The following SRM variants were observed in gnomAD, a reference collection of about 807,000 sequenced individuals.
SRM encodes putrescine aminopropyltransferase.
In SRM, 14 loss-of-function variants were observed where a neutral mutation model predicts 39.3. That is an observed-to-expected ratio of 0.36 (90% CI 0.24 to 0.56). The LOEUF (loss-of-function observed/expected upper bound fraction) is 0.56, where lower values mean the gene tolerates loss of function less well. SRM is among the 20% of genes least tolerant of loss of function. The pLI is 0.86. For synonymous variants in SRM, 195 were observed against 173.1 expected, an observed-to-expected ratio of 1.13 and a Z score of -0.99; for missense variants, 244 against 409.2, an observed-to-expected ratio of 0.60 and a Z score of 3.48.
rs1225222306 is a variant in SRM at position 11,056,757 on chromosome 1, C to T, written c.382G>A (p.Asp128Asn). ...ESVVQCEIDE[D>N]VIQVSKKFLP... ...AACTTCTTGGAGACTTGGATGACAT[C>T]CTGGAGGGGATGGGAGGGACCAGTC... is the stretch of plus-strand genomic sequence containing the variant. The change falls in exon 4 of 8, where the codon GAT becomes AAT. Residue 128 changes from aspartate to asparagine, a missense_variant and splice_region_variant. Transcript: ENST00000376957. The T allele has an allele frequency of 1.2e-6, 2 of 1,614,116 alleles. No homozygotes were observed. Among genetic ancestry groups the T allele is most frequent in the Non-Finnish European group, 8.5e-7 (1 of 1,179,988 alleles).
chr1:11,059,601 G>C (rs1638941321), intron 1 of SRM, 176 bp downstream of exon 1: 3 of 948,718 alleles, frequency 3.2e-6, no homozygotes, highest in African/African-American at 3.3e-5. Flanking sequence ...CCCCACCCAA[G>C]AGGCCAGCCC....
chr1:11,056,525 C>T, intron 4 of SRM, 79 bp downstream of exon 4: 1 of 1,576,912 alleles, frequency 6.3e-7, no homozygotes, highest in Non-Finnish European at 8.6e-7. Flanking sequence ...CCGCTCTATC[C>T]TTTACTCTGA....
chr1:11,059,521 A>G (rs1027587109), intron 1 of SRM, 176 bp from the exon 2 acceptor site: 1 of 1,121,556 alleles, frequency 8.9e-7, no homozygotes, highest in Non-Finnish European at 1.3e-6. Flanking sequence ...CCGGGGTGGG[A>G]CCCGGGGTCT....
At position 11,059,280 on chromosome 1, in the gene SRM, G is replaced by A. The variant is rs1461592409; in HGVS notation, c.233C>T (p.Ser78Phe). 1 of 1,613,634 alleles carries A rather than the reference G, an allele frequency of 6.2e-7. No individual in the cohort carries two copies. The highest frequency in any genetic ancestry group is 1.7e-5 in the Admixed American group (1 of 60,014). Residue 78 changes from serine (S) to phenylalanine (F), a missense_variant, in exon 2 of 8, where the codon TCC (serine) becomes TTC (phenylalanine). Physicochemically the swap from Ser to Phe is radical, Grantham distance 155. Transcript: ENST00000376957. Reference protein sequence around the residue: ...VIQCTERDEFSYQEMIANLPL... With the variant: ...VIQCTERDEFFYQEMIANLPL... Reference sequence around the variant, plus strand: ...CAGGTTGGCGATCATCTCCTGGTAGGAGAACTCGTCTCTCTCCGTGCACTG... The same window carrying A: ...CAGGTTGGCGATCATCTCCTGGTAGAAGAACTCGTCTCTCTCCGTGCACTG...
At position 11,054,834 on chromosome 1, in the gene SRM, T is replaced by A; in HGVS notation, c.*31A>T. The A allele has an allele frequency of 1.3e-6, 2 of 1,590,956 alleles. No individual in the cohort carries two copies. The highest frequency in any genetic ancestry group is 4.5e-5 in the East Asian group (2 of 44,454). ...ACCCCGCAGGCTCCAAGGTCCGAGGTCCTGGGTGGCATCAGTGGTGGCGCC... is the reference window on the plus strand; with the variant it reads ...ACCCCGCAGGCTCCAAGGTCCGAGGACCTGGGTGGCATCAGTGGTGGCGCC... On this transcript the variant is annotated 3_prime_UTR_variant, in exon 8 of 8. Transcript: ENST00000376957. The surrounding 1 kb of genome is among the most constrained non-coding windows in gnomAD (Gnocchi z 4.8).
intron 3 of SRM, among the ~76,000 whole-genome samples, chr1:11,058,376 A>G (rs1462681900): frequency 6.6e-6 from 1 of 151,910 alleles, no homozygotes; most frequent in Non-Finnish European, 1.5e-5. Context: ...AGCCTGACCA[A>G]CATGGAGAAA....
Position 11,056,743 on chromosome 1 carries a change from G to T in SRM, c.396C>A (p.Val132=), listed in dbSNP as rs767126224. Reference sequence around the variant, plus strand: ...CCATGCCTGGCAGGAACTTCTTGGAGACTTGGATGACATCCTGGAGGGGAT... The same window carrying T: ...CCATGCCTGGCAGGAACTTCTTGGATACTTGGATGACATCCTGGAGGGGAT... The part of the protein sequence containing the change: ...QCEIDEDVIQ[V]SKKFLPGMAI... Residue 132 remains valine, a synonymous_variant, in exon 4 of 8, where the codon GTC becomes GTA. Transcript: ENST00000376957. 1.9e-6 allele frequency: 3 copies of T among 1,614,064 alleles called. No homozygotes were observed. The African/African-American group carries it at 4.0e-5, about 22-fold the overall frequency.
chr1:11,056,211 T>TCCC, intron 4 of SRM, 117 bp from the exon 5 acceptor site: 1 of 929,822 alleles, frequency 1.1e-6, no homozygotes, highest in Non-Finnish European at 1.6e-6. Flanking sequence ...CTGTGGGGGA[T>TCCC]CCACACCTGA....
rs1638942925 is a variant in SRM at position 11,059,670 on chromosome 1, G to A, written c.167+107C>T. The A allele has an allele frequency of 9.1e-6, 12 of 1,323,672 alleles. No homozygotes were observed. In the South Asian group the frequency reaches 1.6e-4, roughly 18 times the overall value. The allele number at this position is 1,323,672 out of a possible 1,614,324, so 82.0% of individuals were successfully genotyped here. On this transcript the variant is annotated intron_variant, in intron 1 of 7. Transcript: ENST00000376957. ...AGGGGTGGCGAGGGGGCCAGGGCAG[G>A]ACGAGGTCCAGCCCGCTTGGGTCCC...
chr1:11,056,846 A>AG, intron 3 of SRM, 89 bp from the exon 4 acceptor site: 1 of 1,431,270 alleles, frequency 7.0e-7, no homozygotes, highest in Non-Finnish European at 9.6e-7. Flanking sequence ...AGTGCCTCAC[A>AG]GGCAAGCCGC....
intron 4 of SRM, 89 bp from the exon 5 acceptor site, chr1:11,056,183 C>T: frequency 7.9e-7 from 1 of 1,272,438 alleles, no homozygotes; most frequent in Non-Finnish European, 1.1e-6. Context: ...TGGCCAGAGC[C>T]AGGATCTGAA....
chr1:11,058,430 G>A (rs888066907), intron 3 of SRM, among the ~76,000 whole-genome samples: 5 of 151,968 alleles, frequency 3.3e-5, no homozygotes, highest in Admixed American at 2.0e-4. Context: ...GCATGGTAGC[G>A]CATGTCTGTA....
intron 6 of SRM, 182 bp from the exon 7 acceptor site, chr1:11,055,266 A>ATT (rs879796773): frequency 1.1e-3 from 719 of 675,018 alleles, no homozygotes; most frequent in Middle Eastern, 2.9e-3. Flanking sequence ...CGCCCGGCTA[A>ATT]TTTTTTTTTT....
chr1:11,056,479 AG>A, intron 4 of SRM, 124 bp downstream of exon 4: 1 of 1,208,192 alleles, frequency 8.3e-7, no homozygotes, highest in Non-Finnish European at 1.1e-6. Flanking sequence ...ACAAATGAGA[AG>A]GGAAAAGTAC....
intron 3 of SRM, 188 bp downstream of exon 3, chr1:11,058,612 C>G (rs1356826519): frequency 8.5e-6 from 4 of 468,708 alleles, no homozygotes; most frequent in African/African-American, 8.1e-5. Flanking sequence ...GAGCTCGCCA[C>G]GCAGGTGCCC....
At chr1:11,055,690 C>T (rs1638862862) in intron 6 of SRM, 91 bp downstream of exon 6, 2 of 1,368,752 alleles carry the variant, frequency 1.5e-6, no homozygotes, top group South Asian at 1.4e-5. Flanking sequence ...GCTGGGATTA[C>T]AGGTGTGAGC....
chr1:11,059,246 G>A lies in SRM; in HGVS notation c.267C>T (p.Cys89=), dbSNP rs1638933961. 1 of 1,613,602 alleles carries A rather than the reference G, an allele frequency of 6.2e-7. No individual in the cohort carries two copies. The highest frequency in any genetic ancestry group is 8.5e-7 in the Non-Finnish European group (1 of 1,179,984). Residue 89 remains cysteine (C), a synonymous_variant, in exon 2 of 8, where the codon TGC becomes TGT. Coordinates refer to ENST00000376957, the MANE Select transcript of SRM (RefSeq NM_003132.3). Reference sequence around the variant, plus strand: ...GTACCTTTCGCGGGTTGGGGTGGCTGCAGAGAGGCAGGTTGGCGATCATCT... The same window carrying A: ...GTACCTTTCGCGGGTTGGGGTGGCTACAGAGAGGCAGGTTGGCGATCATCT... ...YQEMIANLPL[C]SHPNPRKVLI...
chr1:11,054,776 G>T lies in SRM; in HGVS notation c.*89C>A. ...CTTGGTTGGTGGGCGAGAGCCAGCA[G>T]GAGGTCCGGCCCGGGGCTGGAGGGG... is the stretch of plus-strand genomic sequence containing the variant. On this transcript the variant is annotated 3_prime_UTR_variant, in exon 8 of 8. Transcript: ENST00000376957. This position sits in a 1 kb window ranked among gnomAD's most constrained non-coding sequence, Gnocchi z 4.8. 1.3e-6 allele frequency: 2 copies of T among 1,499,868 alleles called. No homozygotes were observed. The highest frequency in any genetic ancestry group is 2.7e-5 in the South Asian group (2 of 74,260). The allele number at this position is 1,499,868 out of a possible 1,614,324, so 92.9% of individuals were successfully genotyped here.
At chr1:11,056,512 A>AG in intron 4 of SRM, 92 bp downstream of exon 4, 1 of 1,491,400 alleles carries the variant, frequency 6.7e-7, no homozygotes. Flanking sequence ...GGGGGGTGGG[A>AG]GGCCGCTCTA....
Sources: allele counts gnomAD v4.1 joint callset (sites outside exome capture counted in the v4.1 genomes callset), GRCh38; gene constraint gnomAD v4.1.1; non-coding constraint Gnocchi (gnomAD v3.1); transcripts MANE v1.5; gene names NCBI Gene and HGNC (gene_info 2026-07-23, HGNC 2026-07-21).